The following CLDN2 variants were observed in gnomAD, a reference collection of about 807,000 sequenced individuals.
CLDN2 encodes claudin 2.
CLDN2 carries 1 observed loss-of-function variant against 8.2 expected under a neutral mutation model. The ratio of observed to expected loss-of-function variants is 0.12; its 90% CI spans 0.04 to 0.58. The LOEUF (loss-of-function observed/expected upper bound fraction) is 0.58. Among genes scored for constraint, CLDN2 ranks in the 20% least tolerant of loss-of-function variants. The pLI, the probability that CLDN2 is intolerant of heterozygous loss-of-function variation, is 0.90. For missense variants in CLDN2, 108 were observed against 172.9 expected (o/e 0.62, Z 2.11); for synonymous variants, 70 against 70.2 (o/e 1.00, Z 0.01).
chrX:106,916,523 G>C (rs754523221), upstream of CLDN2, among the ~76,000 whole-genome samples: 5 of 111,233 alleles, frequency 4.5e-5, no homozygotes, highest in African/African-American at 1.6e-4. Flanking sequence ...AATCAGAAGG[G>C]TATTGCATCC....
chrX:106,914,114 G>A (rs1018672935), upstream of CLDN2, among the ~76,000 whole-genome samples: 3 of 108,169 alleles, frequency 2.8e-5, no homozygotes, highest in Admixed American at 2.0e-4. Flanking sequence ...CACCACGCCC[G>A]GCTAATTTTT....
In CLDN2 at chrX:106,923,777, G is replaced by A. The variant is rs759923434; in HGVS notation, c.-179+3226G>A. On this transcript the variant is annotated intron_variant, in intron 1 of 1. Coordinates refer to ENST00000336803, the MANE Select transcript of CLDN2 (RefSeq NM_020384.4). ...TTAACTACACAAATCTTGAGTTCAG[G>A]AGAGAAATCTGTGGCAGAGATATGA... Among the ~76,000 whole-genome samples the A allele has an allele frequency of 6.3e-5, 7 of 111,490 alleles. No individual in the cohort carries two copies. The East Asian group carries it at 2.0e-3, about 31-fold the overall frequency.
chrX:106,911,885 G>A (rs1434794353), intron 1 of CLDN2, among the ~76,000 whole-genome samples: 1 of 111,792 alleles, frequency 8.9e-6, no homozygotes, highest in South Asian at 3.8e-4. Context: ...GTGGCAGACA[G>A]CTATGACAGG....
rs2147796780 is a variant in CLDN2 at position 106,930,438 on chromosome X, C to T, written c.*1517C>T. Reference sequence around the variant, plus strand: ...CTGGCTTCTGAAAAATTCCAGCACACCTCCTCGAACCTCATTGTCAGCAGA... The same window carrying T: ...CTGGCTTCTGAAAAATTCCAGCACATCTCCTCGAACCTCATTGTCAGCAGA... On this transcript the variant is annotated 3_prime_UTR_variant, in exon 2 of 2. Coordinates refer to ENST00000336803, the MANE Select transcript of CLDN2 (RefSeq NM_020384.4). The T allele has an allele frequency of 8.1e-6, 1 of 122,862 alleles. No homozygotes were observed. Among genetic ancestry groups the T allele is most frequent in the Admixed American group, 9.4e-5 (1 of 10,585 alleles). The allele number at this position is 122,862 out of a possible 1,213,427, so 10.1% of individuals were successfully genotyped here.
At position 106,929,370 on chromosome X, in the gene CLDN2, CT is replaced by C. The variant is rs778150160; in HGVS notation, c.*453del. 8.7e-5 allele frequency: 13 copies of C among 149,736 alleles called. No individual in the cohort carries two copies. In the East Asian group the frequency reaches 2.0e-3, roughly 23 times the overall value. The allele number at this position is 149,736 out of a possible 1,213,427, so 12.3% of individuals were successfully genotyped here. ...TGGGGATGGGAAGGAGAAGCAGTGG[CT>C]TTTGTGGGCATTGCTCTAACCTACT... On this transcript the variant is annotated 3_prime_UTR_variant, in exon 2 of 2. Coordinates refer to ENST00000336803, the MANE Select transcript of CLDN2 (RefSeq NM_020384.4).
upstream of CLDN2, among the ~76,000 whole-genome samples, chrX:106,914,688 ATTT>A (rs1013774927): frequency 4.5e-4 from 50 of 112,044 alleles, no homozygotes; most frequent in African/African-American, 1.5e-3. Context: ...TAGGTTTATA[ATTT>A]TTATTTTAAA....
rs1210645562 is a variant in CLDN2, at chrX:106,908,569, T to C, written c.-179+8065T>C. On this transcript the variant is annotated intron_variant, in intron 1 of 1. Coordinates refer to the CLDN2 transcript ENST00000541806. ...ATTTTTTTTCTTTCTTTTCTTTTCT[T>C]TTTTTTTTTTTTTGTTGTTGTTTTT... Among the ~76,000 whole-genome samples the C allele has an allele frequency of 2.8e-4, 25 of 90,681 alleles. 1 individual carries two copies. The highest frequency in any genetic ancestry group is 1.1e-3 in the African/African-American group (25 of 22,722). 78.7% of individuals were successfully genotyped at this position (90,681 alleles called of 115,157 possible).
rs141147283 is a variant in CLDN2, at chrX:106,928,315, C to G, written c.87C>G (p.Ser29Arg). The G allele has an allele frequency of 3.3e-6, 4 of 1,210,588 alleles. No individual in the cohort carries two copies. Among genetic ancestry groups the G allele is most frequent in the Middle Eastern group, 2.3e-4 (1 of 4,369 alleles). ...LGTLVAMLLP[S>R]WKTSSYVGAS... is the part of the protein sequence containing the mutation. The stretch of plus-strand genomic sequence containing the variant: ...CACTGGTTGCCATGCTGCTCCCCAG[C>G]TGGAAAACAAGTTCTTATGTCGGTG... Residue 29 changes from serine to arginine, a missense_variant, in exon 2 of 2, where the codon AGC (serine) becomes AGG (arginine). Physicochemically the swap from Ser to Arg is moderately radical, Grantham distance 110. Around this residue, in one of 2 missense-constraint regions of CLDN2, gnomAD observed 27 missense variants for 72.2 expected, o/e 0.37. Coordinates refer to ENST00000336803, the MANE Select transcript of CLDN2 (RefSeq NM_020384.4).
Position 106,907,702 on chromosome X carries a change from AAATAATAATAATAATAAT to A in CLDN2, c.-179+7228_-179+7245del, listed in dbSNP as rs200946606. Among the ~76,000 whole-genome samples the A allele has an allele frequency of 6.3e-5, 6 of 95,377 alleles. No individual in the cohort carries two copies. The South Asian group carries it at 1.6e-3, about 25-fold the overall frequency. The allele number at this position is 95,377 out of a possible 115,157, so 82.8% of individuals were successfully genotyped here. ...GAAAACAGAGCGAGACTCCGTCTCAAAATAATAATAATAATAATAATAATAATAATAATAATAATAATA... is the reference window on the plus strand; with the variant it reads ...GAAAACAGAGCGAGACTCCGTCTCAAAATAATAATAATAATAATAATAATA... On this transcript the variant is annotated intron_variant, in intron 1 of 1. Transcript: ENST00000541806.
At chrX:106,917,979 G>A (rs1464680925), upstream of CLDN2, among the ~76,000 whole-genome samples, 3 of 111,245 alleles carry the variant, frequency 2.7e-5, no homozygotes, top group Non-Finnish European at 5.7e-5. Context: ...TGACAATGCC[G>A]ACCTGAAGGA....
upstream of CLDN2, among the ~76,000 whole-genome samples, chrX:106,918,978 CTT>C (rs766590992): frequency 2.6e-4 from 29 of 112,393 alleles, no homozygotes; most frequent in East Asian, 2.2e-3. Context: ...ATTCTTAAGA[CTT>C]TGTCAGTATT....
At chrX:106,909,870 G>A (rs922321187) in intron 1 of CLDN2, among the ~76,000 whole-genome samples, 1 of 111,666 alleles carries the variant, frequency 9.0e-6, no homozygotes, top group Non-Finnish European at 1.9e-5. Flanking sequence ...CCCATGTGGT[G>A]CGGGCTCTCT....
At chrX:106,918,813 A>C (rs5916772), upstream of CLDN2, among the ~76,000 whole-genome samples, 2 of 110,754 alleles carry the variant, frequency 1.8e-5, no homozygotes, top group Non-Finnish European at 3.8e-5. Context: ...CTAGATTCCA[A>C]GTCTAACTAT....
At chrX:106,925,866 C>T (rs1402999210) in intron 1 of CLDN2, among the ~76,000 whole-genome samples, 1 of 111,722 alleles carries the variant, frequency 9.0e-6, no homozygotes, top group African/African-American at 3.3e-5. Flanking sequence ...ATTAGCTGGG[C>T]GTGGTGGCGT....
intron 1 of CLDN2, among the ~76,000 whole-genome samples, chrX:106,909,795 T>C (rs1247533583): frequency 8.9e-6 from 1 of 112,008 alleles, no homozygotes; most frequent in Admixed American, 9.4e-5. Context: ...GAACAGTTTG[T>C]TCCTGGGTCA....
At chrX:106,912,417 T>C (rs1933258574) in intron 1 of CLDN2, among the ~76,000 whole-genome samples, 1 of 97,599 alleles carries the variant, frequency 1.0e-5, no homozygotes, top group South Asian at 5.3e-4. Context: ...TCTTTTTTTT[T>C]TTTTTTTTTT....
chrX:106,901,594 C>T, intron 1 of CLDN2: 1 of 1,115,861 alleles, frequency 9.0e-7, no homozygotes, highest in East Asian at 3.0e-5. Context: ...ATAACTTCCT[C>T]CTCTGTACTA....
At chrX:106,924,547 A>C (rs1933438807) in intron 1 of CLDN2, among the ~76,000 whole-genome samples, 1 of 110,486 alleles carries the variant, frequency 9.1e-6, no homozygotes, top group African/African-American at 3.3e-5. Flanking sequence ...CCTGCTCTGC[A>C]CTGCTTTGCA....
chrX:106,922,938 G>A (rs937528949), intron 1 of CLDN2, among the ~76,000 whole-genome samples: 10 of 108,048 alleles, frequency 9.3e-5, no homozygotes, highest in African/African-American at 3.4e-4. Flanking sequence ...TAGCAAGTTT[G>A]AACTTCATCC....
Sources: allele counts gnomAD v4.1 joint callset (sites outside exome capture counted in the v4.1 genomes callset), GRCh38; gene constraint gnomAD v4.1.1; regional missense constraint gnomAD v4.1.1; transcripts MANE v1.5; gene names NCBI Gene and HGNC (gene_info 2026-07-23, HGNC 2026-07-21).